CSMD2: variants seen among roughly 807,000 people sequenced by gnomAD.
The protein encoded by CSMD2 is CUB and Sushi multiple domains 2.
A neutral mutation model predicts 398.5 loss-of-function variants in CSMD2; 130 were observed. The observed-to-expected ratio is 0.33, with a 90% CI of 0.28 to 0.38. The LOEUF (loss-of-function observed/expected upper bound fraction) is 0.38. CSMD2 is among the 10% of genes least tolerant of loss of function. The pLI is 1.00. For missense variants in CSMD2, 3,829 were observed against 4,764.9 expected, an observed-to-expected ratio of 0.80 and a Z score of 5.78; for synonymous variants, 1,828 against 1,908.5, an observed-to-expected ratio of 0.96 and a Z score of 1.10.
chr1:33,809,620 G>A (rs987060151), intron 10 of CSMD2, among the ~76,000 whole-genome samples: 4 of 151,876 alleles, frequency 2.6e-5, no homozygotes, highest in Admixed American at 1.3e-4. Context: ...ATCAAACAAC[G>A]ACCATAGGGG....
At chr1:33,786,290 A>G (rs1381627426) in intron 12 of CSMD2, among the ~76,000 whole-genome samples, 2 of 152,182 alleles carry the variant, frequency 1.3e-5, no homozygotes, top group Non-Finnish European at 2.9e-5. Flanking sequence ...ATGACATGGA[A>G]TCATTTCTCC....
In CSMD2 at chr1:33,652,320, T is replaced by C. The variant is rs776478911; in HGVS notation, c.4586+3A>G. ...GTCTCCCACCCGGGGGAAAGGTACA[T>C]ACATGTTAAATACCAGGGCGATGAC... On this transcript the variant is annotated splice_donor_region_variant and intron_variant, in intron 28 of 70. Coordinates refer to ENST00000373381, the MANE Select transcript of CSMD2 (RefSeq NM_001281956.2). 1.9e-6 allele frequency: 3 copies of C among 1,613,912 alleles called. No homozygotes were observed. Among genetic ancestry groups the C allele is most frequent in the African/African-American group, 2.7e-5 (2 of 74,900 alleles).
At chr1:33,984,222 C>G (rs371779308) in intron 3 of CSMD2, among the ~76,000 whole-genome samples, 2 of 151,888 alleles carry the variant, frequency 1.3e-5, no homozygotes, top group East Asian at 2.0e-4. Context: ...GAGTCAGAAT[C>G]TCATGGAGGA....
At chr1:33,707,679 GCACACGCGCGCGCGCGCACACACA>G (rs1645834984) in intron 22 of CSMD2, among the ~76,000 whole-genome samples, 1 of 102,774 alleles carries the variant, frequency 9.7e-6, no homozygotes, top group Non-Finnish European at 2.0e-5. Context: ...ACGCACGCGT[GCACACGCGCGCGCGCGCACACACA>G]CACACACACA....
chr1:33,557,823 C>A lies in CSMD2; in HGVS notation c.8654G>T (p.Arg2885Leu), dbSNP rs144356333. Residue 2885 changes from arginine to leucine, a missense_variant, in exon 55 of 71, where the codon CGG becomes CTG. Arg to Leu is a moderately radical substitution (Grantham distance 102). Around this residue, in one of 5 missense-constraint regions of CSMD2, gnomAD observed 917 missense variants for 1,199.5 expected, o/e 0.76. Coordinates refer to ENST00000373381, the MANE Select transcript of CSMD2 (RefSeq NM_001281956.2). ...RFSFGTTVSY[R>L]CNHGFYLLGT... is the part of the protein sequence containing the mutation. ...CAGGAGGTAGAAGCCGTGGTTGCAC[C>A]GGTAAGACACAGTGGTGCCGAAGCT... is the stretch of plus-strand genomic sequence containing the variant. The A allele has an allele frequency of 3.9e-6, 6 of 1,535,902 alleles. No individual in the cohort carries two copies. Among genetic ancestry groups the A allele is most frequent in the Non-Finnish European group, 4.4e-6 (5 of 1,146,884 alleles).
At chr1:33,899,822 C>T (rs1004900447) in intron 5 of CSMD2, among the ~76,000 whole-genome samples, 1 of 152,176 alleles carries the variant, frequency 6.6e-6, no homozygotes, top group African/African-American at 2.4e-5. Flanking sequence ...TGTTCAACCC[C>T]GACTTTCCCC....
intron 12 of CSMD2, among the ~76,000 whole-genome samples, chr1:33,777,323 G>A (rs762278849): frequency 9.9e-5 from 15 of 152,198 alleles, no homozygotes; most frequent in South Asian, 6.2e-4. Context: ...GCAGGGTGGG[G>A]TGAGAGTTTG....
rs536449330 is a variant in CSMD2 at position 33,861,820 on chromosome 1, T to C, written c.921-14824A>G. ...GCCTGTACTGGAAGGAGAGAGTCAT[T>C]TAGAGAGGACACCTTATGAGGACCA... On this transcript the variant is annotated intron_variant, in intron 5 of 70. Transcript: ENST00000373381. 5.9e-5 allele frequency among the ~76,000 whole-genome samples: 9 copies of C among 152,122 alleles called. No individual in the cohort carries two copies. The South Asian group carries it at 1.9e-3, about 32-fold the overall frequency.
intron 25 of CSMD2, among the ~76,000 whole-genome samples, chr1:33,671,458 G>A (rs1028836976): frequency 6.6e-6 from 1 of 151,956 alleles, no homozygotes; most frequent in African/African-American, 2.4e-5. Context: ...GCTCTGCGGG[G>A]GCTGGATCTT....
At chr1:33,952,728 C>T (rs894567761) in intron 3 of CSMD2, among the ~76,000 whole-genome samples, 3 of 152,048 alleles carry the variant, frequency 2.0e-5, no homozygotes, top group Non-Finnish European at 4.4e-5. Context: ...ATTTAAGCTC[C>T]ATGCAAACAG....
rs1640717920 is a variant in CSMD2, at chr1:34,155,393, GC to G, written c.187+9517del. On this transcript the variant is annotated intron_variant, in intron 1 of 70. Transcript: ENST00000373381. The stretch of plus-strand genomic sequence containing the variant: ...AATTTTCCTCTTGCTATAGTTAAAG[GC>G]CTCATTCAGATCTGGTACCCTGGAC... Among the ~76,000 whole-genome samples the G allele has an allele frequency of 2.6e-5, 4 of 152,240 alleles. No individual in the cohort carries two copies. In the South Asian group the frequency reaches 8.3e-4, roughly 32 times the overall value.
chr1:34,031,621 G>C (rs754063659), intron 3 of CSMD2, among the ~76,000 whole-genome samples: 7 of 151,954 alleles, frequency 4.6e-5, no homozygotes, highest in Non-Finnish European at 1.0e-4. Context: ...CACCAGGGGT[G>C]GTTTTTTGCT....
chr1:33,638,546 G>A (rs1371360938), intron 29 of CSMD2, among the ~76,000 whole-genome samples: 2 of 152,334 alleles, frequency 1.3e-5, no homozygotes, highest in South Asian at 4.1e-4. Flanking sequence ...GTAAACACGA[G>A]TTAGATCATG....
At chr1:33,781,827 G>T (rs1448533014) in intron 12 of CSMD2, among the ~76,000 whole-genome samples, 1 of 152,160 alleles carries the variant, frequency 6.6e-6, no homozygotes, top group Non-Finnish European at 1.5e-5. Flanking sequence ...TCCCACAGCT[G>T]GTCGCCCCCA....
intron 2 of CSMD2, among the ~76,000 whole-genome samples, chr1:34,068,257 T>C (rs1019554608): frequency 6.6e-6 from 1 of 152,212 alleles, no homozygotes; most frequent in Non-Finnish European, 1.5e-5. Flanking sequence ...ATCCTGGTCA[T>C]TCTCCCGTGG....
intron 1 of CSMD2, among the ~76,000 whole-genome samples, chr1:34,094,845 A>T (rs890916644): frequency 1.3e-5 from 2 of 150,746 alleles, no homozygotes; most frequent in African/African-American, 4.8e-5. Flanking sequence ...CATTAGACAG[A>T]TCAACGAGAC....
intron 1 of CSMD2, among the ~76,000 whole-genome samples, chr1:34,127,802 C>T (rs1349410169): frequency 2.0e-5 from 3 of 151,980 alleles, no homozygotes; most frequent in Non-Finnish European, 2.9e-5. Flanking sequence ...AGGGCTGGAG[C>T]GTGTAGAGAC....
intron 20 of CSMD2, among the ~76,000 whole-genome samples, chr1:33,715,811 C>T (rs1646146858): frequency 6.6e-6 from 1 of 152,092 alleles, no homozygotes; most frequent in South Asian, 2.1e-4. Context: ...TTTCCAAATC[C>T]CTAAACAGAG....
In CSMD2 at chr1:33,649,133, A is replaced by C. The variant is rs143072993; in HGVS notation, c.4587-2298T>G. The stretch of plus-strand genomic sequence containing the variant: ...GCAGCAATTCCACTCTTAAGTATAT[A>C]TCTAACAAAGGCAATTGATACCAAT... On this transcript the variant is annotated intron_variant, in intron 28 of 70. Coordinates refer to ENST00000373381, the MANE Select transcript of CSMD2 (RefSeq NM_001281956.2). Among the ~76,000 whole-genome samples the C allele has an allele frequency of 6.5e-3, 997 of 152,290 alleles. 14 individuals carry two copies. Among genetic ancestry groups the C allele is most frequent in the African/African-American group, 0.023 (948 of 41,540 alleles).
Sources: allele counts gnomAD v4.1 joint callset (sites outside exome capture counted in the v4.1 genomes callset), GRCh38; gene constraint gnomAD v4.1.1; regional missense constraint gnomAD v4.1.1; transcripts MANE v1.5; gene names NCBI Gene and HGNC (gene_info 2026-07-23, HGNC 2026-07-21).